LGALS8: variants seen among roughly 807,000 people sequenced by gnomAD.
LGALS8 encodes galectin-8.
Under a neutral mutation model 35.9 loss-of-function variants are expected in LGALS8, and 30 were observed. The observed-to-expected ratio is 0.83, with a 90% CI of 0.62 to 1.13. The LOEUF is 1.13. LGALS8 is among the 50% of genes most tolerant of loss of function. LGALS8 has a pLI of 0.00. For missense variants in LGALS8, 366 were observed against 388.7 expected (o/e 0.94, Z 0.49); for synonymous variants, 138 against 136.1 (o/e 1.01, Z -0.10).
In LGALS8 at chr1:236,526,662, C is replaced by T. The variant is rs1571988915; in HGVS notation, c.45+547C>T. Among the ~76,000 whole-genome samples the T allele has an allele frequency of 6.6e-6, 1 of 152,218 alleles. No homozygotes were observed. The highest frequency in any genetic ancestry group is 2.4e-5 in the African/African-American group (1 of 41,544). On this transcript the variant is annotated intron_variant, in intron 2 of 9. Transcript: ENST00000366584. This position sits in a 1 kb window ranked among gnomAD's most constrained non-coding sequence, Gnocchi z 4.6. ...TAATTGCTGGAAATTGCCCTGTAATCCTGAGCAGTAAAGAGCTTGTTTTAG... is the reference window on the plus strand; with the variant it reads ...TAATTGCTGGAAATTGCCCTGTAATTCTGAGCAGTAAAGAGCTTGTTTTAG...
At chr1:236,527,421 T>C (rs990479829) in intron 2 of LGALS8, among the ~76,000 whole-genome samples, 1 of 152,208 alleles carries the variant, frequency 6.6e-6, no homozygotes, top group African/African-American at 2.4e-5. Context: ...CCTTCAGTCT[T>C]GTGGCATGGG....
chr1:236,522,446 A>T (rs192835877), upstream of LGALS8, among the ~76,000 whole-genome samples: 505 of 152,222 alleles, frequency 3.3e-3, 3 homozygotes, highest in African/African-American at 0.012. Flanking sequence ...CTACAAAAAA[A>T]AATTTTTAAA....
chr1:236,551,942 G>A lies in LGALS8; in HGVS notation c.*3781G>A. The A allele has an allele frequency of 8.5e-7, 1 of 1,182,218 alleles. No homozygotes were observed. The highest frequency in any genetic ancestry group is 1.5e-5 in the African/African-American group (1 of 66,494). The allele number at this position is 1,182,218 out of a possible 1,614,324, so 73.2% of individuals were successfully genotyped here. Reference sequence around the variant, plus strand: ...CATTATCATTGGGCACATTTTCACAGAATTTTACTGAATTATTCCTTAATT... The same window carrying A: ...CATTATCATTGGGCACATTTTCACAAAATTTTACTGAATTATTCCTTAATT... On this transcript the variant is annotated 3_prime_UTR_variant, in exon 10 of 10. Coordinates refer to ENST00000366584, the MANE Select transcript of LGALS8 (RefSeq NM_201544.4).
chr1:236,549,915 T>G lies in LGALS8; in HGVS notation c.*1754T>G, dbSNP rs1043966293. 42 of 152,240 alleles carry G rather than the reference T, an allele frequency of 2.8e-4. No individual in the cohort carries two copies. The highest frequency in any genetic ancestry group is 9.6e-4 in the African/African-American group (40 of 41,470). The allele number at this position is 152,240 out of a possible 1,614,324, so 9.4% of individuals were successfully genotyped here. ...CTTCTATACTAGCAAGCTCTGTCTC[T>G]AAAATGCAAGTTGGCCTTTTGCTTG... On this transcript the variant is annotated 3_prime_UTR_variant, in exon 10 of 10. Coordinates refer to ENST00000366584, the MANE Select transcript of LGALS8 (RefSeq NM_201544.4).
Position 236,550,899 on chromosome 1 carries a change from G to C in LGALS8, c.*2738G>C. 6.3e-7 allele frequency: 1 copy of C among 1,589,416 alleles called. No homozygotes were observed. Among genetic ancestry groups the C allele is most frequent in the East Asian group, 2.2e-5 (1 of 44,562 alleles). On this transcript the variant is annotated 3_prime_UTR_variant, in exon 10 of 10. Transcript: ENST00000366584. ...AGTAGAGTATGAAACACCACAGAAA[G>C]TCTTAGAAATAGCTCTGGAGTGGCT...
chr1:236,531,159 G>A (rs1449940327), intron 2 of LGALS8, among the ~76,000 whole-genome samples: 1 of 152,080 alleles, frequency 6.6e-6, no homozygotes. Context: ...GCAGTCCCTT[G>A]TGAAGGGCTG....
Position 236,550,770 on chromosome 1 carries a change from G to T in LGALS8, c.*2609G>T. The T allele has an allele frequency of 1.5e-6, 1 of 670,600 alleles. No individual in the cohort carries two copies. Among genetic ancestry groups the T allele is most frequent in the Non-Finnish European group, 2.5e-6 (1 of 399,476 alleles). The allele number at this position is 670,600 out of a possible 1,614,324, so 41.5% of individuals were successfully genotyped here. The stretch of plus-strand genomic sequence containing the variant: ...CCAGGTGGGGATTTTGTAAAGAAGT[G>T]ATAAAACATTTGTAAGTAATCCAAG... On this transcript the variant is annotated 3_prime_UTR_variant, in exon 10 of 10. Coordinates refer to ENST00000366584, the MANE Select transcript of LGALS8 (RefSeq NM_201544.4).
chr1:236,549,141 T>A lies in LGALS8; in HGVS notation c.*980T>A, dbSNP rs1455680846. The A allele has an allele frequency of 5.0e-6, 2 of 396,478 alleles. No individual in the cohort carries two copies. Among genetic ancestry groups the A allele is most frequent in the African/African-American group, 4.1e-5 (2 of 48,606 alleles). 24.6% of individuals were successfully genotyped at this position (396,478 alleles called of 1,614,324 possible). A position where few individuals can be genotyped will look rare whatever the true frequency, so the allele number is the denominator to read the frequency against. On this transcript the variant is annotated 3_prime_UTR_variant, in exon 10 of 10. Transcript: ENST00000366584. ...AGGCAGAGGTAATGCAGAAATCTGT[T>A]TTGTTCCCATGAAATCACCAATCAA... is the stretch of plus-strand genomic sequence containing the variant.
intron 8 of LGALS8, among the ~76,000 whole-genome samples, 193 bp from the exon 9 acceptor site, chr1:236,544,557 C>T (rs1342873890): frequency 6.6e-6 from 1 of 151,736 alleles, no homozygotes; most frequent in African/African-American, 2.4e-5. Context: ...TTTTATTTTG[C>T]AAGTAACGAA....
chr1:236,523,829 G>A (rs531191419), upstream of LGALS8: 1 of 344,342 alleles, frequency 2.9e-6, no homozygotes, highest in Non-Finnish European at 5.7e-6. Context: ...GATCAGCGGC[G>A]GGTCCCTGTC....
At position 236,526,844 on chromosome 1, in the gene LGALS8, C is replaced by G. The variant is rs1660841778; in HGVS notation, c.45+729C>G. Among the ~76,000 whole-genome samples, 1 of 152,120 alleles carries G rather than the reference C, an allele frequency of 6.6e-6. No individual in the cohort carries two copies. The highest frequency in any genetic ancestry group is 1.5e-5 in the Non-Finnish European group (1 of 68,020). On this transcript the variant is annotated intron_variant, in intron 2 of 9. Coordinates refer to ENST00000366584, the MANE Select transcript of LGALS8 (RefSeq NM_201544.4). This position sits in a 1 kb window ranked among gnomAD's most constrained non-coding sequence, Gnocchi z 4.6. The stretch of plus-strand genomic sequence containing the variant: ...GGGTGAGAATCCTTAAAATGAGGCC[C>G]TAAACCAGTTTTGTTAGTGTGTGTG...
intron 3 of LGALS8, among the ~76,000 whole-genome samples, chr1:236,538,085 A>AC (rs1661677898): frequency 7.9e-6 from 1 of 126,738 alleles, no homozygotes; most frequent in Non-Finnish European, 1.6e-5. Context: ...AGCCTGGGTG[A>AC]CAAAAAAAAA....
upstream of LGALS8, among the ~76,000 whole-genome samples, chr1:236,521,830 C>CA (rs35210291): frequency 0.44 from 62,027 of 141,848 alleles, 13,410 homozygotes; most frequent in East Asian, 0.83. Flanking sequence ...GAGACTGCCT[C>CA]AAAAAAAAAA....
intron 2 of LGALS8, among the ~76,000 whole-genome samples, chr1:236,531,574 C>T (rs1321689277): frequency 1.3e-5 from 2 of 152,190 alleles, no homozygotes; most frequent in East Asian, 3.8e-4. Flanking sequence ...ATCCACCCAT[C>T]TCAGCCTCCC....
Position 236,552,028 on chromosome 1 carries a change from G to A in LGALS8, c.*3867G>A, listed in dbSNP as rs770323233. On this transcript the variant is annotated 3_prime_UTR_variant, in exon 10 of 10. Transcript: ENST00000366584. The stretch of plus-strand genomic sequence containing the variant: ...CATCAACTCTGCTAAGAAAGGAATG[G>A]ATTCTGGTAGCAAGACAATATAATT... The A allele has an allele frequency of 3.1e-6, 5 of 1,612,108 alleles. No individual in the cohort carries two copies. The highest frequency in any genetic ancestry group is 4.2e-6 in the Non-Finnish European group (5 of 1,178,342).
At chr1:236,530,299 C>A (rs1489822860) in intron 2 of LGALS8, among the ~76,000 whole-genome samples, 1 of 152,170 alleles carries the variant, frequency 6.6e-6, no homozygotes, top group Non-Finnish European at 1.5e-5. Context: ...AGTCTTAAAA[C>A]ACAACACAGT....
At chr1:236,547,189 C>G (rs1411236083) in intron 9 of LGALS8, among the ~76,000 whole-genome samples, 8 of 152,200 alleles carry the variant, frequency 5.3e-5, no homozygotes, top group Non-Finnish European at 5.9e-5. Context: ...TCCCAGTGGC[C>G]TTCTCAGAGT....
At position 236,540,614 on chromosome 1, in the gene LGALS8, A is replaced by G; in HGVS notation, c.396A>G (p.Pro132=). 1.9e-6 allele frequency: 3 copies of G among 1,611,562 alleles called. No homozygotes were observed. Among genetic ancestry groups the G allele is most frequent in the Non-Finnish European group, 2.5e-6 (3 of 1,178,972 alleles). The change falls in exon 5 of 10, where the codon CCA becomes CCG. Residue 132 remains proline (P), a synonymous_variant. Coordinates refer to ENST00000366584, the MANE Select transcript of LGALS8 (RefSeq NM_201544.4). ...TGCTCTATGGCCACAGGATCGGCCCAGAGAAAATAGACACTCTGGGCATTT... is the reference window on the plus strand; with the variant it reads ...TGCTCTATGGCCACAGGATCGGCCCGGAGAAAATAGACACTCTGGGCATTT... ...HTLLYGHRIG[P]EKIDTLGIYG...
intron 9 of LGALS8, among the ~76,000 whole-genome samples, chr1:236,547,605 G>C (rs1662453425): frequency 6.7e-6 from 1 of 149,822 alleles, no homozygotes; most frequent in Non-Finnish European, 1.5e-5. Flanking sequence ...GCTGGAAACA[G>C]CATCTCGGTG....
Sources: allele counts gnomAD v4.1 joint callset (sites outside exome capture counted in the v4.1 genomes callset), GRCh38; gene constraint gnomAD v4.1.1; non-coding constraint Gnocchi (gnomAD v3.1); transcripts MANE v1.5; gene names NCBI Gene and HGNC (gene_info 2026-07-23, HGNC 2026-07-21).